Variants in TXNL4A observed in about 807,000 individuals in gnomAD.
TXNL4A encodes the protein thioredoxin-like protein 4A.
TXNL4A carries 17 observed loss-of-function variants against 14.6 expected under a neutral mutation model. The ratio of observed to expected loss-of-function variants is 1.16; its 90% confidence interval spans 0.80 to 1.74. The LOEUF (loss-of-function observed/expected upper bound fraction) is 1.74. Among genes scored for constraint, TXNL4A ranks in the 40% most tolerant of loss-of-function variants. The pLI, the probability that TXNL4A is intolerant of heterozygous loss-of-function variation, is 0.00. For synonymous variants in TXNL4A, 83 were observed against 70.6 expected (o/e 1.18, Z -0.88); for missense variants, 74 against 195.2 (o/e 0.38, Z 3.70).
chr18:79,974,654 T>G (rs1401031820), intron 2 of TXNL4A, among the ~76,000 whole-genome samples: 1 of 152,074 alleles, frequency 6.6e-6, no homozygotes, highest in East Asian at 1.9e-4. Flanking sequence ...AAATTTCTAG[T>G]TTTTTGTAAA....
Position 79,970,819 on chromosome 18 carries a change from G to T in TXNL4A, c.*2866C>A. On this transcript the variant is annotated 3_prime_UTR_variant, in exon 3 of 3. Coordinates refer to ENST00000269601, the MANE Select transcript of TXNL4A (RefSeq NM_006701.5). Reference sequence around the variant, plus strand: ...TACAATAAACTTACAAATGTGGAATGTAATTATTTTATCTTTTTCTGGTAA... The same window carrying T: ...TACAATAAACTTACAAATGTGGAATTTAATTATTTTATCTTTTTCTGGTAA... 1 of 209,114 alleles carries T rather than the reference G, an allele frequency of 4.8e-6. No homozygotes were observed. Among genetic ancestry groups the T allele is most frequent in the Non-Finnish European group, 9.8e-6 (1 of 102,282 alleles). 13.0% of individuals were successfully genotyped at this position (209,114 alleles called of 1,614,324 possible).
In TXNL4A at chr18:79,971,182, T is replaced by C. The variant is rs1012522492; in HGVS notation, c.*2503A>G. Reference sequence around the variant, plus strand: ...TATGACTGAATAATATTCCGTTCTATGGATGGACATTTTGTTTAACCGTTC... The same window carrying C: ...TATGACTGAATAATATTCCGTTCTACGGATGGACATTTTGTTTAACCGTTC... On this transcript the variant is annotated 3_prime_UTR_variant, in exon 3 of 3. Transcript: ENST00000269601. The C allele has an allele frequency of 1.3e-5, 2 of 152,328 alleles. No individual in the cohort carries two copies. The highest frequency in any genetic ancestry group is 4.8e-5 in the African/African-American group (2 of 41,480). 9.4% of individuals were successfully genotyped at this position (152,328 alleles called of 1,614,324 possible).
chr18:80,028,949 A>G (rs2051903090), intron 1 of TXNL4A, among the ~76,000 whole-genome samples: 1 of 152,184 alleles, frequency 6.6e-6, no homozygotes, highest in South Asian at 2.1e-4. Context: ...AGGGTAACCA[A>G]TTGGCTGATG....
rs2051328036 is a variant in TXNL4A at position 79,973,326 on chromosome 18, ATC to A, written c.*357_*358del. On this transcript the variant is annotated 3_prime_UTR_variant, in exon 3 of 3. Transcript: ENST00000269601. ...CGCCTGCAAAGCTGTGAGAGCACAC[ATC>A]TCTGTTAAAGCCCAGCTCGCGGCAT... The A allele has an allele frequency of 5.5e-6, 1 of 182,256 alleles. No homozygotes were observed. The highest frequency in any genetic ancestry group is 1.1e-5 in the Non-Finnish European group (1 of 87,822). 11.3% of individuals were successfully genotyped at this position (182,256 alleles called of 1,614,324 possible). A position where few individuals can be genotyped will look rare whatever the true frequency, so the allele number is the denominator to read the frequency against.
At chr18:80,016,569 C>A (rs1160466085) in intron 1 of TXNL4A, among the ~76,000 whole-genome samples, 1 of 152,100 alleles carries the variant, frequency 6.6e-6, no homozygotes, top group Non-Finnish European at 1.5e-5. Context: ...CCAGTTTCAG[C>A]TTTCTACATA....
upstream of TXNL4A, among the ~76,000 whole-genome samples, chr18:79,991,083 G>A (rs374780610): frequency 9.7e-5 from 14 of 144,402 alleles, no homozygotes; most frequent in East Asian, 1.0e-3. Context: ...ACTCCAGCCT[G>A]GGCGACAGAG....
In TXNL4A at chr18:80,007,387, C is replaced by T. The variant is rs137956973; in HGVS notation, c.-61+26464G>A. 6.4e-3 allele frequency among the ~76,000 whole-genome samples: 970 copies of T among 152,244 alleles called. 6 individuals carry two copies. The highest frequency in any genetic ancestry group is 0.029 in the South Asian group (140 of 4,812). On this transcript the variant is annotated intron_variant, in intron 1 of 2. Coordinates refer to the TXNL4A transcript ENST00000585474. Reference sequence around the variant, plus strand: ...GATTGACTGAGCAATCTAGGGGATACGTAACAGGGGTGTCGTGCAGAGAGA... The same window carrying T: ...GATTGACTGAGCAATCTAGGGGATATGTAACAGGGGTGTCGTGCAGAGAGA...
chr18:79,979,628 A>G (rs2051433030), intron 1 of TXNL4A: 1 of 152,876 alleles, frequency 6.5e-6, no homozygotes, highest in African/African-American at 2.4e-5. Context: ...CACTTCCTGT[A>G]CAGCCTGCAG....
At chr18:80,029,447 TA>T (rs2051906976) in intron 1 of TXNL4A, among the ~76,000 whole-genome samples, 1 of 152,164 alleles carries the variant, frequency 6.6e-6, no homozygotes, top group Non-Finnish European at 1.5e-5. Flanking sequence ...CTCATTGGGT[TA>T]AAGCTTTCCC....
At chr18:80,006,935 C>T (rs1309219592) in intron 1 of TXNL4A, among the ~76,000 whole-genome samples, 1 of 152,162 alleles carries the variant, frequency 6.6e-6, no homozygotes, top group Non-Finnish European at 1.5e-5. Context: ...ACGCGCCAGG[C>T]GCCACGTTGC....
chr18:80,021,586 A>G (rs1399597424), intron 1 of TXNL4A, among the ~76,000 whole-genome samples: 1 of 152,200 alleles, frequency 6.6e-6, no homozygotes, highest in Admixed American at 6.5e-5. Flanking sequence ...TCCCTCAGGT[A>G]TTTGAGTTAG....
chr18:80,019,027 C>G (rs190064666), intron 1 of TXNL4A, among the ~76,000 whole-genome samples: 1 of 152,170 alleles, frequency 6.6e-6, no homozygotes, highest in African/African-American at 2.4e-5. Context: ...ATTCAACAAG[C>G]CTCTAGGAAG....
intron 1 of TXNL4A, among the ~76,000 whole-genome samples, chr18:80,019,992 G>A (rs2051837677): frequency 6.6e-6 from 1 of 152,074 alleles, no homozygotes; most frequent in Non-Finnish European, 1.5e-5. Context: ...ATCTTGAATT[G>A]TAACTCCCAC....
chr18:80,016,902 A>G (rs2051814923), intron 1 of TXNL4A, among the ~76,000 whole-genome samples: 1 of 152,060 alleles, frequency 6.6e-6, no homozygotes, highest in African/African-American at 2.4e-5. Context: ...CTGTGAAGAA[A>G]GTCATTGGTA....
chr18:79,988,949 G>A (rs1380915104), upstream of TXNL4A, among the ~76,000 whole-genome samples: 2 of 152,216 alleles, frequency 1.3e-5, no homozygotes, highest in Non-Finnish European at 2.9e-5. Context: ...TACTAAGACA[G>A]TTCATGTGTG....
intron 1 of TXNL4A, among the ~76,000 whole-genome samples, chr18:80,012,299 A>G (rs1174603522): frequency 6.6e-6 from 1 of 152,178 alleles, no homozygotes; most frequent in Non-Finnish European, 1.5e-5. Flanking sequence ...TTAAATCTCC[A>G]TATGATGACA....
At chr18:79,978,295 T>C in intron 1 of TXNL4A, among the ~76,000 whole-genome samples, 1 of 152,304 alleles carries the variant, frequency 6.6e-6, no homozygotes, top group East Asian at 1.9e-4. Context: ...TGCTCTAAAA[T>C]ATACCTGTAG....
intron 1 of TXNL4A, among the ~76,000 whole-genome samples, chr18:79,994,284 C>CA (rs142403894): frequency 0.023 from 3,564 of 152,252 alleles, 138 homozygotes; most frequent in African/African-American, 0.081. Flanking sequence ...AACGCGGGCA[C>CA]AAAAACTAAG....
chr18:80,001,632 T>C (rs926591647), intron 1 of TXNL4A, among the ~76,000 whole-genome samples: 1 of 152,186 alleles, frequency 6.6e-6, no homozygotes, highest in African/African-American at 2.4e-5. Context: ...ATGTGAGACA[T>C]GGTGTCAAAG....
Sources: gnomAD v4.1 joint callset for allele counts (sites outside exome capture counted in the v4.1 genomes callset) on GRCh38, gnomAD v4.1.1 for gene constraint, MANE v1.5 for transcripts, NCBI Gene and HGNC (gene_info 2026-07-23, HGNC 2026-07-21) for gene names.